The following OSBPL10 variants were observed in gnomAD, a reference collection of about 807,000 sequenced individuals.
OSBPL10 encodes the protein oxysterol-binding protein-related protein 10.
A neutral mutation model predicts 81.7 loss-of-function variants in OSBPL10; 49 were observed. The ratio of observed to expected loss-of-function variants is 0.60; its 90% CI spans 0.48 to 0.76. OSBPL10 has a LOEUF of 0.76. OSBPL10 is among the 30% of genes least tolerant of loss of function. The probability of loss-of-function intolerance (pLI) is 0.00; values close to 1 mark genes in which losing one functional copy is unlikely to be tolerated. For synonymous variants in OSBPL10, 419 were observed against 383.6 expected (o/e 1.09, Z -1.08); for missense variants, 923 against 987.8 (o/e 0.93, Z 0.88).
intron 1 of OSBPL10, among the ~76,000 whole-genome samples, chr3:31,905,344 G>GTTTTTTTTTTTTTTTTTTTTTTTT (rs1575608407): frequency 2.8e-5 from 2 of 70,716 alleles, no homozygotes; most frequent in Admixed American, 1.8e-4. Flanking sequence ...GGAACCTGGT[G>GTTTTTTTTTTTTTTTTTTTTTTTT]ATTTTTTTTT....
chr3:31,960,383 C>G (rs1698125751), intron 1 of OSBPL10: 1 of 152,174 alleles, frequency 6.6e-6, no homozygotes. Flanking sequence ...AAACCAGAAC[C>G]CTGCATTCAG....
intron 6 of OSBPL10, chr3:31,732,742 G>C (rs748489598): frequency 3.1e-5 from 5 of 161,310 alleles, no homozygotes; most frequent in Admixed American, 1.3e-4. Context: ...CTCTCCTGAC[G>C]AGGCAGTGCA....
chr3:31,913,225 T>C (rs976694097), intron 1 of OSBPL10, among the ~76,000 whole-genome samples: 24 of 146,038 alleles, frequency 1.6e-4, no homozygotes, highest in African/African-American at 5.2e-4. Flanking sequence ...ACAGAAGTAC[T>C]AGGTTTTTTT....
At chr3:31,792,860 C>CTGTGTGTGTGTGTGTGTG (rs6147757) in intron 4 of OSBPL10, among the ~76,000 whole-genome samples, 15 of 126,646 alleles carry the variant, frequency 1.2e-4, no homozygotes, top group East Asian at 1.1e-3. Context: ...TCTAGGCACT[C>CTGTGTGTGTGTGTGTGTG]TGTGTGTGTG....
intron 3 of OSBPL10, among the ~76,000 whole-genome samples, chr3:31,875,784 G>A (rs1701457065): frequency 6.6e-6 from 1 of 152,134 alleles, no homozygotes; most frequent in South Asian, 2.1e-4. Context: ...ACTAATGATA[G>A]AAAGGAGTAG....
chr3:31,966,520 A>G (rs1393318051), intron 1 of OSBPL10, among the ~76,000 whole-genome samples: 1 of 152,034 alleles, frequency 6.6e-6, no homozygotes, highest in Admixed American at 6.5e-5. Flanking sequence ...GAAAAGATCA[A>G]TAAATTGACT....
rs143530865 is a variant in OSBPL10 at position 31,768,859 on chromosome 3, A to T, written c.730-20739T>A. 3.9e-5 allele frequency among the ~76,000 whole-genome samples: 6 copies of T among 152,336 alleles called. No individual in the cohort carries two copies. The East Asian group carries it at 1.2e-3, about 29-fold the overall frequency. On this transcript the variant is annotated intron_variant, in intron 4 of 11. Transcript: ENST00000396556. ...TTATTTCACAAACAATTTCCTCAGC[A>T]TTCACATTGGGTAGGTATTACCCCT...
At chr3:31,684,175 A>G (rs1700733018) in intron 7 of OSBPL10, 61 bp from the exon 8 acceptor site, 1 of 1,577,396 alleles carries the variant, frequency 6.3e-7, no homozygotes, top group Non-Finnish European at 8.6e-7. Context: ...AGCTGAAAAG[A>G]AAGGTAAAGG....
intron 4 of OSBPL10, among the ~76,000 whole-genome samples, chr3:31,829,451 T>C (rs910290414): frequency 2.0e-5 from 3 of 152,234 alleles, no homozygotes; most frequent in African/African-American, 7.2e-5. Context: ...AATGATCCTA[T>C]TTCCCCAGAG....
intron 1 of OSBPL10, among the ~76,000 whole-genome samples, chr3:31,974,616 TAA>T (rs1335184262): frequency 3.9e-5 from 6 of 152,120 alleles, no homozygotes; most frequent in African/African-American, 1.4e-4. Context: ...AACATAACGT[TAA>T]GAGAAAGAAG....
At chr3:31,696,541 A>G (rs1695726743) in intron 7 of OSBPL10, among the ~76,000 whole-genome samples, 1 of 152,250 alleles carries the variant, frequency 6.6e-6, no homozygotes, top group African/African-American at 2.4e-5. Flanking sequence ...ATCAGCAGCA[A>G]TTCAACACAG....
In OSBPL10 at chr3:31,748,049, G is replaced by C; in HGVS notation, c.801C>G (p.Pro267=). The change falls in exon 5 of 12, where the codon CCC becomes CCG. Residue 267 remains proline, a synonymous_variant. Coordinates refer to ENST00000396556, the MANE Select transcript of OSBPL10 (RefSeq NM_017784.5). ...GCAGGTCCTGGTCCAAGGCAGTGAG[G>C]GGGCCGGACCCTGGCAGGGACTCAA... ...HAIESLPGSG[P]LTALDQDLLL... is the part of the protein sequence containing the mutation. 1.9e-6 allele frequency: 3 copies of C among 1,614,188 alleles called. No homozygotes were observed. Among genetic ancestry groups the C allele is most frequent in the Non-Finnish European group, 2.5e-6 (3 of 1,180,038 alleles).
intron 4 of OSBPL10, among the ~76,000 whole-genome samples, chr3:31,808,742 G>A (rs771337978): frequency 4.6e-5 from 7 of 151,998 alleles, no homozygotes; most frequent in East Asian, 3.8e-4. Flanking sequence ...CCCTCTCTTC[G>A]CTTTACTTCA....
chr3:31,749,390 C>T (rs1355772008), intron 4 of OSBPL10, among the ~76,000 whole-genome samples: 1 of 152,240 alleles, frequency 6.6e-6, no homozygotes, highest in African/African-American at 2.4e-5. Flanking sequence ...TTAGTGTACA[C>T]ATCCATAATC....
chr3:31,781,931 T>C (rs1456837247), intron 4 of OSBPL10, among the ~76,000 whole-genome samples: 1 of 152,126 alleles, frequency 6.6e-6, no homozygotes, highest in Non-Finnish European at 1.5e-5. Context: ...ACCATCATAA[T>C]TCTTCACACA....
At chr3:31,820,575 G>A (rs1463802637) in intron 4 of OSBPL10, among the ~76,000 whole-genome samples, 1 of 151,896 alleles carries the variant, frequency 6.6e-6, no homozygotes, top group Non-Finnish European at 1.5e-5. Flanking sequence ...AGCCTGGGAG[G>A]CAGAGCGAGA....
rs1700309170 is a variant in OSBPL10, at chr3:31,670,984, C to CT, written c.1727-2dup. On this transcript the variant is annotated splice_acceptor_variant, in intron 8 of 11. Transcript: ENST00000396556. LOFTEE classifies it high-confidence loss of function. The stretch of plus-strand genomic sequence containing the variant: ...CCGTGTTCCAGGAGCCTCAACACAC[C>CT]TCCAGGGAGAGAGGAGGGAGAGTTA... 2 of 1,605,918 alleles carry CT rather than the reference C, an allele frequency of 1.2e-6. No individual in the cohort carries two copies. The highest frequency in any genetic ancestry group is 2.7e-5 in the African/African-American group (2 of 74,628).
At chr3:31,929,269 T>C (rs190280525) in intron 1 of OSBPL10, among the ~76,000 whole-genome samples, 50 of 152,278 alleles carry the variant, frequency 3.3e-4, no homozygotes, top group African/African-American at 1.2e-3. Context: ...GAAATTCTAC[T>C]CAGGAACAAA....
At chr3:31,712,328 T>C (rs1274287567) in intron 6 of OSBPL10, among the ~76,000 whole-genome samples, 2 of 152,220 alleles carry the variant, frequency 1.3e-5, no homozygotes. Context: ...ACCCCTGAGC[T>C]GCCCACATCC....
Sources: allele counts gnomAD v4.1 joint callset (sites outside exome capture counted in the v4.1 genomes callset), GRCh38; gene constraint gnomAD v4.1.1; transcripts MANE v1.5; gene names NCBI Gene and HGNC (gene_info 2026-07-23, HGNC 2026-07-21).